Variants in GLMN observed in about 807,000 individuals in gnomAD.
The protein encoded by GLMN is glomulin.
A neutral mutation model predicts 87.8 loss-of-function variants in GLMN; 75 were observed. The observed-to-expected ratio is 0.85, with a 90% CI of 0.71 to 1.04. The LOEUF (loss-of-function observed/expected upper bound fraction) is 1.04, where lower values mean the gene tolerates loss of function less well. Among genes scored for constraint, GLMN ranks in the 50% least tolerant of loss-of-function variants. The pLI, the probability that GLMN is intolerant of heterozygous loss-of-function variation, is 0.00. For missense variants in GLMN, 588 were observed against 658.8 expected, an observed-to-expected ratio of 0.89 and a Z score of 1.18; for synonymous variants, 206 against 221.6, an observed-to-expected ratio of 0.93 and a Z score of 0.63.
the GLMN span, chr1:92,323,455 G>A: frequency 6.3e-7 from 1 of 1,580,126 alleles, no homozygotes; most frequent in Non-Finnish European, 8.6e-7. Flanking sequence ...TGGCCATTCT[G>A]GAGAAGAAGT....
At chr1:92,260,208 C>A (rs1214011036) in intron 16 of GLMN, among the ~76,000 whole-genome samples, 1 of 152,134 alleles carries the variant, frequency 6.6e-6, no homozygotes, top group Admixed American at 6.5e-5. Flanking sequence ...TGTGAGGCTG[C>A]CAGCTTGGAC....
chr1:92,282,621 G>T (rs1394090816), intron 7 of GLMN, among the ~76,000 whole-genome samples: 1 of 152,014 alleles, frequency 6.6e-6, no homozygotes, highest in African/African-American at 2.4e-5. Context: ...AAATAACTAA[G>T]ATCAGGGCAG....
upstream of GLMN, among the ~76,000 whole-genome samples, chr1:92,302,945 TC>T (rs1369047063): frequency 6.6e-6 from 1 of 151,330 alleles, no homozygotes; most frequent in African/African-American, 2.4e-5. Flanking sequence ...ATACCTGTAA[TC>T]CCAGCACTTT....
chr1:92,341,572 C>T, the GLMN span, among the ~76,000 whole-genome samples: 1 of 152,200 alleles, frequency 6.6e-6, no homozygotes, highest in African/African-American at 2.4e-5. Flanking sequence ...ACTCTAAATA[C>T]ATTTTTGGTG....
At chr1:92,325,073 C>T in the GLMN span, among the ~76,000 whole-genome samples, 3 of 152,098 alleles carry the variant, frequency 2.0e-5, no homozygotes, top group Non-Finnish European at 4.4e-5. Flanking sequence ...AATTGGTACT[C>T]AGTAAATAGT....
At chr1:92,323,988 G>C in the GLMN span, 14 of 1,613,994 alleles carry the variant, frequency 8.7e-6, no homozygotes, top group African/African-American at 1.7e-4. Context: ...GTTCAGTGCA[G>C]GTGTGTCCTG....
At chr1:92,347,769 CTTCT>C in the GLMN span, among the ~76,000 whole-genome samples, 20 of 151,620 alleles carry the variant, frequency 1.3e-4, no homozygotes, top group Admixed American at 7.9e-4. Context: ...CACTGTTTGA[CTTCT>C]TTAACTTTGG....
chr1:92,355,212 C>A, the GLMN span, among the ~76,000 whole-genome samples: 4 of 151,966 alleles, frequency 2.6e-5, no homozygotes, highest in Non-Finnish European at 5.9e-5. Context: ...CATAGACTAC[C>A]TTTAACTATA....
intron 8 of GLMN, among the ~76,000 whole-genome samples, chr1:92,270,762 T>A (rs1313523232): frequency 1.3e-5 from 2 of 152,044 alleles, no homozygotes; most frequent in Non-Finnish European, 2.9e-5. Flanking sequence ...CAACCTAAAT[T>A]GGGTGGTGAG....
Position 92,290,195 on chromosome 1 carries a change from T to C in GLMN, c.394+3A>G. ...AGTACTCTGATATCAAAATTCTCAT[T>C]ACCTGTTTGTAATGGCTGAAGCAAA... On this transcript the variant is annotated splice_donor_region_variant and intron_variant, in intron 5 of 18. Coordinates refer to ENST00000370360, the MANE Select transcript of GLMN (RefSeq NM_053274.3). 1 of 1,506,882 alleles carries C rather than the reference T, an allele frequency of 6.6e-7. No individual in the cohort carries two copies. Among genetic ancestry groups the C allele is most frequent in the Non-Finnish European group, 9.2e-7 (1 of 1,082,542 alleles). 93.3% of individuals were successfully genotyped at this position (1,506,882 alleles called of 1,614,324 possible). A position where few individuals can be genotyped will look rare whatever the true frequency, so the allele number is the denominator to read the frequency against.
chr1:92,298,480 T>C (rs1223646545), intron 1 of GLMN, among the ~76,000 whole-genome samples: 2 of 152,180 alleles, frequency 1.3e-5, no homozygotes, highest in African/African-American at 4.8e-5. Context: ...ATTTTTAATG[T>C]CTCACCTCAC....
At chr1:92,320,884 T>C in the GLMN span, among the ~76,000 whole-genome samples, 1 of 152,214 alleles carries the variant, frequency 6.6e-6, no homozygotes, top group Non-Finnish European at 1.5e-5. Flanking sequence ...CCTGTTGAAA[T>C]ATGACATAAA....
chr1:92,304,792 C>T, the GLMN span, among the ~76,000 whole-genome samples: 1 of 152,114 alleles, frequency 6.6e-6, no homozygotes, highest in Non-Finnish European at 1.5e-5. Context: ...AGTCTCTATA[C>T]ATAGATCAAT....
At chr1:92,299,283 T>G, upstream of GLMN, 3 of 460,822 alleles carry the variant, frequency 6.5e-6, no homozygotes, top group Non-Finnish European at 1.2e-5. Context: ...GGCCGAAAGC[T>G]TCCCACCGCC....
chr1:92,349,251 T>A, the GLMN span, among the ~76,000 whole-genome samples: 1 of 152,244 alleles, frequency 6.6e-6, no homozygotes, highest in Non-Finnish European at 1.5e-5. Flanking sequence ...ATGGCAGTTG[T>A]CACTTAAGAT....
At chr1:92,247,282 G>A in intron 17 of GLMN, 138 bp from the exon 18 acceptor site, 1 of 679,454 alleles carries the variant, frequency 1.5e-6, no homozygotes, top group Non-Finnish European at 2.6e-6. Context: ...ACAGCTCAGG[G>A]TATACTTAAG....
chr1:92,345,768 A>C, the GLMN span: 2 of 901,428 alleles, frequency 2.2e-6, no homozygotes, highest in Non-Finnish European at 3.5e-6. Context: ...CATTATTATA[A>C]ATCTGATGTT....
Position 92,246,538 on chromosome 1 carries a change from T to C in GLMN, c.1777A>G (p.Ile593Val), listed in dbSNP as rs143223249. ...TKSTSEENIG[I>V]K ...TTTAGGAAATGGAACTTTCACTTTA[T>C]CCCAATATTTTCTTCAGAGGTAGAC... is the stretch of plus-strand genomic sequence containing the variant. The change falls in exon 19 of 19, where the codon ATA becomes GTA. Residue 593 changes from isoleucine to valine, a missense_variant. Ile to Val is a conservative substitution (Grantham distance 29, BLOSUM62 3). Coordinates refer to ENST00000370360, the MANE Select transcript of GLMN (RefSeq NM_053274.3). 34 of 1,302,666 alleles carry C rather than the reference T, an allele frequency of 2.6e-5. No homozygotes were observed. The Middle Eastern group carries it at 7.4e-4, about 29-fold the overall frequency. 80.7% of individuals were successfully genotyped at this position (1,302,666 alleles called of 1,614,324 possible). A position where few individuals can be genotyped will look rare whatever the true frequency, so the allele number is the denominator to read the frequency against.
At chr1:92,333,866 GT>G in the GLMN span, among the ~76,000 whole-genome samples, 1 of 152,192 alleles carries the variant, frequency 6.6e-6, no homozygotes, top group Non-Finnish European at 1.5e-5. Flanking sequence ...GGTCTGTTAA[GT>G]CACTCTGCAT....
Sources: gnomAD v4.1 joint callset for allele counts (sites outside exome capture counted in the v4.1 genomes callset) on GRCh38, gnomAD v4.1.1 for gene constraint, MANE v1.5 for transcripts, NCBI Gene and HGNC (gene_info 2026-07-23, HGNC 2026-07-21) for gene names.